SLC38A12: variants seen among roughly 807,000 people sequenced by gnomAD.
The protein encoded by SLC38A12 is solute carrier family 38 member 12.
the SLC38A12 span, chr17:74,790,932 T>C: frequency 1.2e-6 from 2 of 1,612,814 alleles, no homozygotes; most frequent in Non-Finnish European, 1.7e-6. Flanking sequence ...CCACTTCCTC[T>C]TCCTTGTTCT....
the SLC38A12 span, among the ~76,000 whole-genome samples, chr17:74,826,104 C>A: frequency 6.6e-6 from 1 of 152,242 alleles, no homozygotes; most frequent in Non-Finnish European, 1.5e-5. Flanking sequence ...CAGCCAGAGG[C>A]CCTGCCTTCC....
At chr17:74,812,160 G>A in the SLC38A12 span, among the ~76,000 whole-genome samples, 1 of 151,680 alleles carries the variant, frequency 6.6e-6, no homozygotes, top group Non-Finnish European at 1.5e-5. Flanking sequence ...TGCTGACACA[G>A]GGGGTCAGGA....
At chr17:74,804,017 TG>T in the SLC38A12 span, among the ~76,000 whole-genome samples, 1 of 152,252 alleles carries the variant, frequency 6.6e-6, no homozygotes, top group African/African-American at 2.4e-5. Context: ...TTCAATATTT[TG>T]TGCTAACTAA....
At chr17:74,808,752 G>C in the SLC38A12 span, among the ~76,000 whole-genome samples, 1 of 152,226 alleles carries the variant, frequency 6.6e-6, no homozygotes, top group Admixed American at 6.5e-5. Context: ...GGTATTACCA[G>C]GTGTGTGGAC....
the SLC38A12 span, among the ~76,000 whole-genome samples, chr17:74,809,627 C>T: frequency 0.28 from 42,605 of 152,126 alleles, 6,201 homozygotes; most frequent in East Asian, 0.42. Flanking sequence ...GCCTCTTTCC[C>T]AGCCACAGGC....
chr17:74,797,172 A>G, the SLC38A12 span, among the ~76,000 whole-genome samples: 1 of 152,320 alleles, frequency 6.6e-6, no homozygotes, highest in South Asian at 2.1e-4. Context: ...CATTTGCCTG[A>G]TAAATTATTT....
the SLC38A12 span, among the ~76,000 whole-genome samples, chr17:74,811,576 C>T: frequency 6.6e-6 from 1 of 151,378 alleles, no homozygotes; most frequent in South Asian, 2.1e-4. Flanking sequence ...CAAAAATTAG[C>T]AAAGCGTGGT....
At chr17:74,832,012 T>C in the SLC38A12 span, among the ~76,000 whole-genome samples, 4,050 of 152,266 alleles carry the variant, frequency 0.027, 160 homozygotes, top group African/African-American at 0.092. Context: ...TGGCGATCAA[T>C]CTAGGAGATG....
the SLC38A12 span, among the ~76,000 whole-genome samples, chr17:74,811,385 G>A: frequency 1.3e-5 from 2 of 152,006 alleles, no homozygotes; most frequent in Non-Finnish European, 2.9e-5. Flanking sequence ...TTGAACTTGG[G>A]TGGACCTCAT....
At chr17:74,836,788 A>G in the SLC38A12 span, 1 of 1,479,768 alleles carries the variant, frequency 6.8e-7, no homozygotes, top group South Asian at 1.4e-5. The surrounding 1 kb of genome is among the most constrained non-coding windows in gnomAD (Gnocchi z 4.2). Flanking sequence ...TTCATGGGGC[A>G]GGTGGGACTG....
At chr17:74,825,771 A>G in the SLC38A12 span, among the ~76,000 whole-genome samples, 1 of 152,222 alleles carries the variant, frequency 6.6e-6, no homozygotes, top group South Asian at 2.1e-4. Flanking sequence ...TGACCCGACG[A>G]TGGTGATGGT....
chr17:74,785,170 G>A, the SLC38A12 span, among the ~76,000 whole-genome samples: 1 of 152,196 alleles, frequency 6.6e-6, no homozygotes, highest in Non-Finnish European at 1.5e-5. Flanking sequence ...CCTACAGCCT[G>A]GTTGAGTAGA....
the SLC38A12 span, among the ~76,000 whole-genome samples, chr17:74,800,270 C>T: frequency 1.5e-4 from 23 of 152,220 alleles, no homozygotes; most frequent in Non-Finnish European, 1.6e-4. Context: ...TGGGGTGACC[C>T]GGCTGAGCAT....
the SLC38A12 span, among the ~76,000 whole-genome samples, chr17:74,778,673 A>G: frequency 9.4e-6 from 1 of 106,740 alleles, no homozygotes; most frequent in Non-Finnish European, 1.8e-5. Context: ...TTTGAGACAG[A>G]GTTCCACTCT....
At chr17:74,835,798 T>C in the SLC38A12 span, 1 of 1,484,302 alleles carries the variant, frequency 6.7e-7, no homozygotes, top group African/African-American at 1.4e-5. Flanking sequence ...AGAACAGGGC[T>C]GCATGAACAT....
chr17:74,832,680 G>A, the SLC38A12 span, among the ~76,000 whole-genome samples: 2 of 152,258 alleles, frequency 1.3e-5, no homozygotes, highest in Non-Finnish European at 2.9e-5. Flanking sequence ...CCACACAGCT[G>A]GGTGAGCTTT....
chr17:74,790,910 C>T, the SLC38A12 span: 65 of 1,586,814 alleles, frequency 4.1e-5, no homozygotes, highest in Non-Finnish European at 5.5e-5. Flanking sequence ...CTGAAGCTCT[C>T]CACGTGAAGA....
the SLC38A12 span, among the ~76,000 whole-genome samples, chr17:74,788,511 G>A: frequency 5.3e-5 from 8 of 152,118 alleles, no homozygotes; most frequent in African/African-American, 1.7e-4. Context: ...CCAGTATCAC[G>A]TCTGCCCCCA....
At chr17:74,820,949 G>C in the SLC38A12 span, among the ~76,000 whole-genome samples, 2 of 152,224 alleles carry the variant, frequency 1.3e-5, no homozygotes, top group Non-Finnish European at 2.9e-5. Context: ...TGAGATGTCA[G>C]TCTAAGGAGC....
Sources: allele counts gnomAD v4.1 joint callset (sites outside exome capture counted in the v4.1 genomes callset), GRCh38; gene constraint gnomAD v4.1.1; non-coding constraint Gnocchi (gnomAD v3.1); transcripts MANE v1.5; gene names NCBI Gene and HGNC (gene_info 2026-07-23, HGNC 2026-07-21).